The following MTREX variants were observed in gnomAD, a reference collection of about 807,000 sequenced individuals.
MTREX encodes exosome RNA helicase MTR4.
In MTREX, 76 loss-of-function variants were observed where a neutral mutation model predicts 135.4. That is an observed-to-expected ratio of 0.56 (90% CI 0.47 to 0.68). MTREX has a LOEUF of 0.68. MTREX is among the 30% of genes least tolerant of loss of function. MTREX has a pLI of 0.00. For synonymous variants in MTREX, 404 were observed against 401.6 expected (o/e 1.01, Z -0.07); for missense variants, 920 against 1,262.1 (o/e 0.73, Z 4.11).
chr5:55,327,270 A>G (rs1304620540), intron 3 of MTREX, among the ~76,000 whole-genome samples: 1 of 152,232 alleles, frequency 6.6e-6, no homozygotes, highest in Non-Finnish European at 1.5e-5. Flanking sequence ...AGGAATCGCC[A>G]CACTGCACAA....
At chr5:55,405,356 C>G (rs983409286) in intron 21 of MTREX, 69 bp from the exon 22 acceptor site, 1 of 1,341,226 alleles carries the variant, frequency 7.5e-7, no homozygotes. Flanking sequence ...TGTTTGATTT[C>G]ATGAATAAAT....
At chr5:55,401,381 C>G (rs950629266) in intron 21 of MTREX, among the ~76,000 whole-genome samples, 2 of 152,144 alleles carry the variant, frequency 1.3e-5, no homozygotes, top group Non-Finnish European at 2.9e-5. Flanking sequence ...TTTTGTTTAC[C>G]CATTCATCAG....
In MTREX at chr5:55,347,225, A is replaced by G. The variant is rs1166282357; in HGVS notation, c.1240+81A>G. 2.9e-6 allele frequency: 4 copies of G among 1,372,268 alleles called. No homozygotes were observed. The Admixed American group carries it at 8.8e-5, about 30-fold the overall frequency. 85.0% of individuals were successfully genotyped at this position (1,372,268 alleles called of 1,614,324 possible). ...ATTTCTAGTAATATTTTTATCTGTT[A>G]CATATTACTAGGATATGCCATTCAC... On this transcript the variant is annotated intron_variant, in intron 11 of 26. Transcript: ENST00000230640.
At chr5:55,393,145 A>G (rs1043305439) in intron 19 of MTREX, among the ~76,000 whole-genome samples, 2 of 152,174 alleles carry the variant, frequency 1.3e-5, no homozygotes, top group African/African-American at 4.8e-5. Flanking sequence ...AAGGAGTGGG[A>G]GATGGAGTAG....
intron 25 of MTREX, among the ~76,000 whole-genome samples, chr5:55,420,871 T>C (rs1038636146): frequency 6.6e-6 from 1 of 152,212 alleles, no homozygotes; most frequent in Non-Finnish European, 1.5e-5. Flanking sequence ...TCTGTCTCCA[T>C]GTGAGTTCTT....
intron 16 of MTREX, among the ~76,000 whole-genome samples, chr5:55,370,666 A>G (rs567377455): frequency 2.0e-5 from 3 of 152,336 alleles, no homozygotes; most frequent in East Asian, 3.9e-4. Flanking sequence ...TGAAAGAGAA[A>G]TAAGGGAATT....
At chr5:55,342,050 C>T (rs963418697) in intron 7 of MTREX, among the ~76,000 whole-genome samples, 2 of 152,060 alleles carry the variant, frequency 1.3e-5, no homozygotes, top group South Asian at 2.1e-4. Context: ...GAACTACAGA[C>T]GTGTACCACC....
intron 16 of MTREX, among the ~76,000 whole-genome samples, chr5:55,375,164 A>G (rs1045543327): frequency 2.6e-5 from 4 of 152,232 alleles, no homozygotes; most frequent in Admixed American, 2.6e-4. Context: ...CGAAATTAAA[A>G]TTGCTAATGA....
chr5:55,343,218 G>C, intron 7 of MTREX, 113 bp from the exon 8 acceptor site: 2 of 932,468 alleles, frequency 2.1e-6, no homozygotes, highest in Non-Finnish European at 3.1e-6. Context: ...AAATATTCTT[G>C]AGTAAAGTCT....
rs202174118 is a variant in MTREX, at chr5:55,408,375, A to AT, written c.2646-2147dup. On this transcript the variant is annotated intron_variant, in intron 22 of 26. Coordinates refer to ENST00000230640, the MANE Select transcript of MTREX (RefSeq NM_015360.5). The stretch of plus-strand genomic sequence containing the variant: ...CACTCTGTTAAACCACTGTTCTGTG[A>AT]TTATCACCTTACTTGTCTGCCCCCA... 4.1e-4 allele frequency among the ~76,000 whole-genome samples: 63 copies of AT among 152,226 alleles called. 2 individuals are homozygous for AT. The East Asian group carries it at 0.012, about 29-fold the overall frequency.
intron 22 of MTREX, among the ~76,000 whole-genome samples, chr5:55,406,856 C>T (rs1750816446): frequency 1.3e-5 from 2 of 152,100 alleles, no homozygotes; most frequent in African/African-American, 4.8e-5. Flanking sequence ...CTGTTGTGGC[C>T]ATCTTTAGAA....
chr5:55,359,605 T>C (rs924688041), intron 15 of MTREX, among the ~76,000 whole-genome samples: 1 of 152,230 alleles, frequency 6.6e-6, no homozygotes, highest in Admixed American at 6.5e-5. Context: ...AATAATCGTA[T>C]TGTGTCTTAT....
intron 22 of MTREX, among the ~76,000 whole-genome samples, chr5:55,406,101 A>C (rs948005567): frequency 6.6e-6 from 1 of 152,250 alleles, no homozygotes; most frequent in Non-Finnish European, 1.5e-5. Context: ...AACAGAACTT[A>C]TTATAAGCCA....
chr5:55,415,932 A>C, intron 24 of MTREX, 38 bp from the exon 25 acceptor site: 3 of 1,450,270 alleles, frequency 2.1e-6, no homozygotes, highest in Non-Finnish European at 2.8e-6. Flanking sequence ...GATATGGGAG[A>C]TCATAAGTAA....
chr5:55,312,344 G>A (rs1192800951), intron 1 of MTREX, among the ~76,000 whole-genome samples: 1 of 151,990 alleles, frequency 6.6e-6, no homozygotes, highest in Admixed American at 6.6e-5. Flanking sequence ...ATGGGTGTAT[G>A]ATTATGTTTC....
intron 19 of MTREX, among the ~76,000 whole-genome samples, chr5:55,388,850 G>A (rs913088585): frequency 5.3e-5 from 8 of 152,174 alleles, no homozygotes; most frequent in Admixed American, 2.0e-4. Flanking sequence ...CTAATTGAAT[G>A]TAAAATATGG....
intron 1 of MTREX, among the ~76,000 whole-genome samples, chr5:55,308,968 G>C (rs1749044277): frequency 6.6e-6 from 1 of 152,154 alleles, no homozygotes; most frequent in Non-Finnish European, 1.5e-5. Context: ...TAGGGAAAGA[G>C]AACAGGTACC....
intron 21 of MTREX, among the ~76,000 whole-genome samples, chr5:55,403,160 G>A (rs1006057112): frequency 1.3e-5 from 2 of 151,650 alleles, no homozygotes; most frequent in Non-Finnish European, 2.9e-5. Context: ...ATGGTTGCAC[G>A]ACTGTACTCC....
intron 1 of MTREX, among the ~76,000 whole-genome samples, chr5:55,316,003 AAC>A (rs1749193078): frequency 6.6e-6 from 1 of 152,176 alleles, no homozygotes; most frequent in Admixed American, 6.5e-5. Flanking sequence ...AACTATTATG[AAC>A]ACCTCTACAC....
Sources: allele counts gnomAD v4.1 joint callset (sites outside exome capture counted in the v4.1 genomes callset), GRCh38; gene constraint gnomAD v4.1.1; transcripts MANE v1.5; gene names NCBI Gene and HGNC (gene_info 2026-07-23, HGNC 2026-07-21).